The following FOXN3 variants were observed in gnomAD, a reference collection of about 807,000 sequenced individuals.
FOXN3 encodes forkhead box N3.
FOXN3 carries 7 observed loss-of-function variants against 38.4 expected under a neutral mutation model. The ratio of observed to expected loss-of-function variants is 0.18; its 90% confidence interval spans 0.10 to 0.34. The LOEUF is 0.34. FOXN3 is among the 10% of genes least tolerant of loss of function. The probability of loss-of-function intolerance (pLI) is 1.00; values close to 1 mark genes in which losing one functional copy is unlikely to be tolerated. For missense variants in FOXN3, 456 were observed against 613.4 expected, an observed-to-expected ratio of 0.74 and a Z score of 2.71; for synonymous variants, 230 against 242.2, an observed-to-expected ratio of 0.95 and a Z score of 0.47.
intron 3 of FOXN3, among the ~76,000 whole-genome samples, chr14:89,288,712 CTCTCTCTCTCTCTATA>C (rs1886743650): frequency 5.8e-5 from 4 of 69,162 alleles, no homozygotes; most frequent in Admixed American, 5.5e-4. Flanking sequence ...CTCTCTCTCT[CTCTCTCTCTCTCTATA>C]TATATATATA....
At chr14:89,469,776 G>A (rs1893051996) in intron 1 of FOXN3, among the ~76,000 whole-genome samples, 3 of 152,336 alleles carry the variant, frequency 2.0e-5, no homozygotes, top group Middle Eastern at 6.8e-3. Flanking sequence ...AATCCCTCTA[G>A]GTCTCACTGT....
chr14:89,274,803 T>C (rs1886253521), intron 4 of FOXN3, among the ~76,000 whole-genome samples: 1 of 152,206 alleles, frequency 6.6e-6, no homozygotes, highest in African/African-American at 2.4e-5. Flanking sequence ...TAAAGATATG[T>C]ACGAATTCTC....
At chr14:89,180,075 C>T (rs946104501) in intron 5 of FOXN3, among the ~76,000 whole-genome samples, 5 of 152,178 alleles carry the variant, frequency 3.3e-5, no homozygotes, top group Non-Finnish European at 5.9e-5. Flanking sequence ...CCAATGGTGC[C>T]TATGAGGGCC....
chr14:89,191,944 A>G (rs937040332), intron 4 of FOXN3, among the ~76,000 whole-genome samples: 7 of 139,646 alleles, frequency 5.0e-5, no homozygotes, highest in Non-Finnish European at 1.0e-4. Context: ...TCCCACTGAT[A>G]TTAGTATATA....
At chr14:89,265,573 G>A (rs999207092) in intron 4 of FOXN3, among the ~76,000 whole-genome samples, 4 of 152,150 alleles carry the variant, frequency 2.6e-5, no homozygotes, top group Non-Finnish European at 4.4e-5. Flanking sequence ...TGAACTGGGG[G>A]GATGGAGGGC....
At chr14:89,292,999 A>ACAGT (rs1886922927) in intron 3 of FOXN3, among the ~76,000 whole-genome samples, 5 of 152,182 alleles carry the variant, frequency 3.3e-5, no homozygotes, top group Admixed American at 3.3e-4. Flanking sequence ...TTCTTGCCGG[A>ACAGT]CAGTCGGCTA....
At chr14:89,224,328 C>A (rs867480962) in intron 4 of FOXN3, among the ~76,000 whole-genome samples, 2 of 152,002 alleles carry the variant, frequency 1.3e-5, no homozygotes, top group Non-Finnish European at 2.9e-5. Context: ...AATAAAAGGC[C>A]TCCTTAAAAG....
chr14:89,202,775 A>C (rs972492615), intron 4 of FOXN3, among the ~76,000 whole-genome samples: 18 of 152,168 alleles, frequency 1.2e-4, no homozygotes, highest in African/African-American at 4.1e-4. Context: ...TGAGTGGAGT[A>C]GTCTCAGATC....
At chr14:89,462,886 A>G (rs11629329) in intron 1 of FOXN3, among the ~76,000 whole-genome samples, 107,338 of 149,240 alleles carry the variant, frequency 0.72, 39,242 homozygotes, top group Middle Eastern at 0.81. Context: ...GGGTTTCACC[A>G]TGTTAGCCAG....
At chr14:89,250,303 G>T (rs1663793396) in intron 4 of FOXN3, among the ~76,000 whole-genome samples, 2 of 152,178 alleles carry the variant, frequency 1.3e-5, no homozygotes, top group African/African-American at 4.8e-5. Flanking sequence ...AGAGATGGGG[G>T]TCTTCAGATG....
intron 1 of FOXN3, among the ~76,000 whole-genome samples, chr14:89,443,397 T>C (rs930908592): frequency 3.9e-5 from 6 of 152,312 alleles, no homozygotes; most frequent in South Asian, 2.1e-4. Flanking sequence ...GAGCTGGTTG[T>C]AGCCCTCCAG....
intron 1 of FOXN3, among the ~76,000 whole-genome samples, chr14:89,492,807 G>C (rs774810650): frequency 1.8e-4 from 27 of 152,286 alleles, no homozygotes; most frequent in Admixed American, 1.5e-3. Flanking sequence ...GGCATATATG[G>C]AAAGCTTCAA....
chr14:89,412,086 G>A lies in FOXN3; in HGVS notation c.391C>T (p.Pro131Ser). The A allele has an allele frequency of 6.2e-7, 1 of 1,613,346 alleles. No homozygotes were observed. The change falls in exon 2 of 6, where the codon CCA becomes TCA. Residue 131 changes from proline (P) to serine (S), a missense_variant. Pro to Ser is a moderately conservative substitution (Grantham distance 74, BLOSUM62 -1). Coordinates refer to ENST00000557258, the MANE Select transcript of FOXN3 (RefSeq NM_005197.4). This position sits in a 1 kb window ranked among gnomAD's most constrained non-coding sequence, Gnocchi z 4.7. ...TCCTTCACTGGCAGGCGCTTGGTTG[G>A]AGAGTCCTCGATGGCCATAAATATG... ...CLIFMAIEDS[P>S]TKRLPVKDIY...
intron 4 of FOXN3, among the ~76,000 whole-genome samples, chr14:89,271,685 C>T (rs1886154507): frequency 6.6e-6 from 1 of 152,116 alleles, no homozygotes; most frequent in Non-Finnish European, 1.5e-5. Flanking sequence ...TTTTAAAAAT[C>T]ATAAAGTGAA....
chr14:89,324,092 C>T (rs1290311170), intron 3 of FOXN3, among the ~76,000 whole-genome samples: 1 of 152,154 alleles, frequency 6.6e-6, no homozygotes, highest in Non-Finnish European at 1.5e-5. Flanking sequence ...GTCTGTGAGC[C>T]ATTCAAGAAT....
At chr14:89,336,777 T>A (rs1296382940) in intron 3 of FOXN3, among the ~76,000 whole-genome samples, 1 of 152,272 alleles carries the variant, frequency 6.6e-6, no homozygotes, top group Non-Finnish European at 1.5e-5. Context: ...CTAAACAGCT[T>A]ACTTTCATAG....
intron 3 of FOXN3, among the ~76,000 whole-genome samples, chr14:89,334,176 C>T (rs1596191871): frequency 1.3e-5 from 2 of 151,714 alleles, no homozygotes; most frequent in East Asian, 3.9e-4. Context: ...CATGATCTCA[C>T]TTATATATGG....
At chr14:89,498,468 G>A (rs564979139) in intron 1 of FOXN3, among the ~76,000 whole-genome samples, 132 of 152,020 alleles carry the variant, frequency 8.7e-4, no homozygotes, top group African/African-American at 3.0e-3. Context: ...TGATCCGCCC[G>A]CCTCTGCCTC....
intron 1 of FOXN3, among the ~76,000 whole-genome samples, chr14:89,574,370 T>C (rs985967633): frequency 6.6e-6 from 1 of 152,194 alleles, no homozygotes; most frequent in African/African-American, 2.4e-5. Context: ...GGTTCTAACT[T>C]CCAGAATAAG....
Sources: gnomAD v4.1 joint callset for allele counts (sites outside exome capture counted in the v4.1 genomes callset) on GRCh38, gnomAD v4.1.1 for gene constraint, Gnocchi (gnomAD v3.1) non-coding constraint, MANE v1.5 for transcripts, NCBI Gene and HGNC (gene_info 2026-07-23, HGNC 2026-07-21) for gene names.